The following SETBP1 variants were observed in gnomAD, a reference collection of about 807,000 sequenced individuals.
The protein encoded by SETBP1 is SET-binding protein.
In SETBP1, 9 loss-of-function variants were observed where a neutral mutation model predicts 101.0. The observed-to-expected ratio is 0.09, with a 90% CI of 0.05 to 0.16. The LOEUF (loss-of-function observed/expected upper bound fraction) is 0.16, where lower values mean the gene tolerates loss of function less well. Ranked by LOEUF, SETBP1 falls within the 10% of genes least tolerant of loss-of-function variation. The pLI, the probability that SETBP1 is intolerant of heterozygous loss-of-function variation, is 1.00. For synonymous variants in SETBP1, 818 were observed against 788.5 expected, an observed-to-expected ratio of 1.04 and a Z score of -0.63; for missense variants, 1,858 against 2,033.8, an observed-to-expected ratio of 0.91 and a Z score of 1.66.
chr18:44,919,570 G>A (rs575177851), intron 3 of SETBP1, among the ~76,000 whole-genome samples: 69 of 151,890 alleles, frequency 4.5e-4, no homozygotes, highest in African/African-American at 1.6e-3. Flanking sequence ...GGATGATCTC[G>A]ACCTCTTGAC....
chr18:44,853,514 G>A (rs2072913548), intron 2 of SETBP1, among the ~76,000 whole-genome samples: 1 of 152,048 alleles, frequency 6.6e-6, no homozygotes, highest in Non-Finnish European at 1.5e-5. Flanking sequence ...GGTAGCTAAT[G>A]TTATCCACCT....
intron 4 of SETBP1, among the ~76,000 whole-genome samples, chr18:44,994,204 G>A (rs2072442619): frequency 6.6e-6 from 1 of 151,922 alleles, no homozygotes; most frequent in Admixed American, 6.6e-5. Flanking sequence ...AAATGAAAAG[G>A]TATTTTAGAT....
chr18:44,880,609 C>A (rs949230905), intron 3 of SETBP1, among the ~76,000 whole-genome samples: 1 of 152,178 alleles, frequency 6.6e-6, no homozygotes, highest in African/African-American at 2.4e-5. Flanking sequence ...GTGCTGGAAT[C>A]TGCTTGGCAT....
intron 2 of SETBP1, among the ~76,000 whole-genome samples, chr18:44,799,049 A>G (rs1371904356): frequency 3.9e-5 from 6 of 152,170 alleles, no homozygotes; most frequent in Non-Finnish European, 1.5e-5. Flanking sequence ...GCTGTATATT[A>G]ATTAGCCATT....
chr18:44,899,592 G>T (rs113031585), intron 3 of SETBP1, among the ~76,000 whole-genome samples: 2 of 152,224 alleles, frequency 1.3e-5, no homozygotes, highest in African/African-American at 4.8e-5. Flanking sequence ...GTAATGAAGG[G>T]CCCACACTTA....
chr18:44,869,151 C>T, intron 2 of SETBP1, 79 bp from the exon 3 acceptor site: 1 of 1,238,894 alleles, frequency 8.1e-7, no homozygotes, highest in South Asian at 1.2e-5. Context: ...ATGGTAAGTC[C>T]ATTGCTGGTC....
intron 5 of SETBP1, among the ~76,000 whole-genome samples, chr18:45,051,071 T>A (rs2073712614): frequency 6.6e-6 from 1 of 152,194 alleles, no homozygotes; most frequent in Non-Finnish European, 1.5e-5. Flanking sequence ...AAGCTGATGA[T>A]CCAGGCCCTT....
At chr18:44,716,814 T>C (rs2069476472) in intron 2 of SETBP1, among the ~76,000 whole-genome samples, 1 of 152,164 alleles carries the variant, frequency 6.6e-6, no homozygotes, top group Non-Finnish European at 1.5e-5. Flanking sequence ...CCACCCACCT[T>C]GGCCTCCGAA....
At chr18:44,771,908 C>A (rs1217293858) in intron 2 of SETBP1, among the ~76,000 whole-genome samples, 1 of 152,158 alleles carries the variant, frequency 6.6e-6, no homozygotes, top group East Asian at 1.9e-4. Flanking sequence ...TTGTGCTTTG[C>A]AGCTTATATG....
At chr18:44,824,359 A>G (rs547183016) in intron 2 of SETBP1, among the ~76,000 whole-genome samples, 5 of 152,274 alleles carry the variant, frequency 3.3e-5, no homozygotes, top group African/African-American at 1.2e-4. Flanking sequence ...TTTACTGCAC[A>G]TAACATGGGA....
chr18:44,687,537 T>C (rs961471853), intron 1 of SETBP1, among the ~76,000 whole-genome samples: 4 of 151,958 alleles, frequency 2.6e-5, no homozygotes, highest in Admixed American at 1.3e-4. Context: ...GAGGAGGCAA[T>C]GGTGAGCTGA....
intron 3 of SETBP1, among the ~76,000 whole-genome samples, chr18:44,898,698 T>G (rs62092682): frequency 0.025 from 3,740 of 152,190 alleles, 83 homozygotes; most frequent in South Asian, 0.06. Context: ...AAATTCCTTT[T>G]AGGATTAGAG....
intron 2 of SETBP1, among the ~76,000 whole-genome samples, chr18:44,707,849 C>T (rs1180440420): frequency 6.6e-6 from 1 of 152,100 alleles, no homozygotes; most frequent in Non-Finnish European, 1.5e-5. Flanking sequence ...TGCAGGGGTG[C>T]TGGGGAACTT....
At chr18:44,927,968 A>G (rs2070741726) in intron 3 of SETBP1, among the ~76,000 whole-genome samples, 1 of 152,186 alleles carries the variant, frequency 6.6e-6, no homozygotes, top group South Asian at 2.1e-4. Context: ...TCTAGGGTAC[A>G]TATGCACAAT....
chr18:44,781,245 A>G (rs1252136585), intron 2 of SETBP1, among the ~76,000 whole-genome samples: 2 of 152,190 alleles, frequency 1.3e-5, no homozygotes, highest in Non-Finnish European at 2.9e-5. Context: ...TCTTGAGATG[A>G]TTGTTCTGGC....
chr18:44,688,643 G>A (rs1407578354), intron 1 of SETBP1, among the ~76,000 whole-genome samples: 79 of 152,066 alleles, frequency 5.2e-4, no homozygotes, highest in Non-Finnish European at 1.2e-4. Context: ...TTGTAGAGAC[G>A]GGGTTTCACC....
intron 5 of SETBP1, among the ~76,000 whole-genome samples, chr18:45,045,910 G>A (rs2073603002): frequency 6.6e-6 from 1 of 151,882 alleles, no homozygotes; most frequent in Non-Finnish European, 1.5e-5. Context: ...TTTCCCCCTT[G>A]CCCACCTCTC....
intron 4 of SETBP1, among the ~76,000 whole-genome samples, chr18:45,003,274 G>A (rs973871023): frequency 6.6e-6 from 1 of 152,186 alleles, no homozygotes; most frequent in African/African-American, 2.4e-5. Context: ...TGAGCATACA[G>A]GACCCTGGGC....
intron 4 of SETBP1, among the ~76,000 whole-genome samples, chr18:45,023,545 T>C (rs1254350197): frequency 6.6e-6 from 1 of 152,138 alleles, no homozygotes; most frequent in Admixed American, 6.5e-5. Context: ...CCACCAGCCG[T>C]TGATTGAGAA....
Sources: gnomAD v4.1 joint callset for allele counts (sites outside exome capture counted in the v4.1 genomes callset) on GRCh38, gnomAD v4.1.1 for gene constraint, MANE v1.5 for transcripts, NCBI Gene and HGNC (gene_info 2026-07-23, HGNC 2026-07-21) for gene names.